The following WWOX variants were observed in gnomAD, a reference collection of about 807,000 sequenced individuals.
WWOX encodes WW domain-containing oxidoreductase.
A neutral mutation model predicts 46.2 loss-of-function variants in WWOX; 69 were observed. That is an observed-to-expected ratio of 1.49 (90% confidence interval 1.23 to 1.82). The LOEUF is 1.82. Among genes scored for constraint, WWOX ranks in the 40% most tolerant of loss-of-function variants. The pLI, the probability that WWOX is intolerant of heterozygous loss-of-function variation, is 0.00. For synonymous variants in WWOX, 359 were observed against 202.6 expected (o/e 1.77, Z -6.56); for missense variants, 919 against 542.6 (o/e 1.69, Z -6.89).
intron 5 of WWOX, among the ~76,000 whole-genome samples, chr16:78,210,122 C>T (rs949548764): frequency 2.0e-5 from 3 of 152,112 alleles, no homozygotes; most frequent in African/African-American, 7.2e-5. Context: ...TCTATTTTGT[C>T]ATGTTATGAC....
intron 8 of WWOX, among the ~76,000 whole-genome samples, chr16:78,443,312 CA>C (rs897467963): frequency 2.7e-5 from 4 of 150,282 alleles, no homozygotes; most frequent in East Asian, 3.9e-4. Flanking sequence ...AACAAAAAAA[CA>C]AAAAAAAACC....
At chr16:78,636,172 A>G (rs1026621705) in intron 8 of WWOX, among the ~76,000 whole-genome samples, 2 of 152,184 alleles carry the variant, frequency 1.3e-5, no homozygotes, top group African/African-American at 4.8e-5. Context: ...TATAATGGAA[A>G]CCAGGTTATT....
At chr16:79,211,542 G>A (rs78590104) in intron 8 of WWOX, 66 bp from the exon 9 acceptor site, 29,605 of 1,607,024 alleles carry the variant, frequency 0.018, 353 homozygotes, top group South Asian at 0.035. Context: ...CCAGGCAGTC[G>A]AAATGACGCC....
At chr16:79,052,919 T>A (rs1314786331) in intron 8 of WWOX, among the ~76,000 whole-genome samples, 1 of 147,972 alleles carries the variant, frequency 6.8e-6, no homozygotes, top group Non-Finnish European at 1.5e-5. Flanking sequence ...ATTGACACAG[T>A]TGATCTCACT....
intron 5 of WWOX, chr16:78,269,281 T>A (rs1452970319): frequency 6.6e-6 from 1 of 152,186 alleles, no homozygotes; most frequent in Non-Finnish European, 1.5e-5. Flanking sequence ...GGTAGAAATT[T>A]TTATGTCACA....
At chr16:79,127,199 C>T (rs1019073482) in intron 8 of WWOX, among the ~76,000 whole-genome samples, 7 of 152,050 alleles carry the variant, frequency 4.6e-5, no homozygotes, top group Admixed American at 4.6e-4. Flanking sequence ...TACATATACA[C>T]ACACACACCT....
intron 8 of WWOX, among the ~76,000 whole-genome samples, chr16:79,146,910 G>T (rs1458905025): frequency 2.0e-5 from 3 of 152,154 alleles, no homozygotes; most frequent in Admixed American, 6.5e-5. Context: ...CTAGTTCACT[G>T]ATTTTTTAAT....
rs74032722 is a variant in WWOX, at chr16:78,685,065, A to G, written c.1056+252313A>G. Among the ~76,000 whole-genome samples, 1,189 of 152,268 alleles carry G rather than the reference A, an allele frequency of 7.8e-3. 18 individuals carry two copies. The highest frequency in any genetic ancestry group is 0.028 in the African/African-American group (1,144 of 41,544). On this transcript the variant is annotated intron_variant, in intron 8 of 8. Transcript: ENST00000566780. ...TTTTCTCTGTGCTGTTCACTGTAAC[A>G]TCGTCCACCCTCTGAGATCTTGCTT... is the stretch of plus-strand genomic sequence containing the variant.
At chr16:78,807,752 A>C (rs1035852857) in intron 8 of WWOX, among the ~76,000 whole-genome samples, 7 of 152,234 alleles carry the variant, frequency 4.6e-5, no homozygotes, top group African/African-American at 1.4e-4. Flanking sequence ...GCCTGACCAA[A>C]CTGTAGAGCT....
At chr16:78,677,851 C>G (rs2047640244) in intron 8 of WWOX, among the ~76,000 whole-genome samples, 1 of 152,132 alleles carries the variant, frequency 6.6e-6, no homozygotes, top group Admixed American at 6.5e-5. Context: ...AGTACAGAAC[C>G]AAACATTTCT....
intron 8 of WWOX, among the ~76,000 whole-genome samples, chr16:78,817,169 A>ATTTTTTTT (rs1460643310): frequency 2.6e-4 from 7 of 26,584 alleles, no homozygotes; most frequent in African/African-American, 4.6e-4. Flanking sequence ...CATTAGTGCT[A>ATTTTTTTT]TTCTTTTTTT....
At chr16:78,434,629 T>A (rs549339716) in intron 8 of WWOX, among the ~76,000 whole-genome samples, 1 of 152,274 alleles carries the variant, frequency 6.6e-6, no homozygotes, top group African/African-American at 2.4e-5. Context: ...ATCTCACTTG[T>A]ATTTGATCAT....
At chr16:78,965,060 C>T (rs1026132801) in intron 8 of WWOX, among the ~76,000 whole-genome samples, 4 of 152,148 alleles carry the variant, frequency 2.6e-5, no homozygotes, top group Non-Finnish European at 5.9e-5. Flanking sequence ...TGGGTGGAGC[C>T]CTCATGGAGA....
Position 79,141,469 on chromosome 16 carries a change from C to T in WWOX, c.1057-70139C>T, listed in dbSNP as rs1266633506. Among the ~76,000 whole-genome samples the T allele has an allele frequency of 2.0e-5, 3 of 152,338 alleles. No homozygotes were observed. In the East Asian group the frequency reaches 5.8e-4, roughly 29 times the overall value. On this transcript the variant is annotated intron_variant, in intron 8 of 8. Transcript: ENST00000566780. ...TTAGCTGAGACCTGGCTCAGATTTT[C>T]AGGGTTCACAGACCTGTCAACATGA...
intron 5 of WWOX, among the ~76,000 whole-genome samples, chr16:78,328,540 A>G (rs1201095788): frequency 6.6e-6 from 1 of 152,246 alleles, no homozygotes; most frequent in Admixed American, 6.5e-5. Context: ...AAGGGTTAGT[A>G]CTTTATTCTT....
rs1369197207 is a variant in WWOX, at chr16:78,811,379, G to A, written c.1056+378627G>A. Among the ~76,000 whole-genome samples the A allele has an allele frequency of 3.3e-5, 5 of 152,228 alleles. No homozygotes were observed. The South Asian group carries it at 1.0e-3, about 32-fold the overall frequency. ...TATGTCACTAGAATTCCTTTGAGAAGCTATCACTGTGTACATTTACTGTAT... is the reference window on the plus strand; with the variant it reads ...TATGTCACTAGAATTCCTTTGAGAAACTATCACTGTGTACATTTACTGTAT... On this transcript the variant is annotated intron_variant, in intron 8 of 8. Transcript: ENST00000566780.
chr16:78,632,907 A>G (rs905972165), intron 8 of WWOX, among the ~76,000 whole-genome samples: 47 of 151,926 alleles, frequency 3.1e-4, no homozygotes, highest in African/African-American at 1.1e-3. Context: ...GCTACGTGTA[A>G]TAGAAAGGTA....
chr16:78,960,463 T>C (rs1046123704), intron 8 of WWOX, among the ~76,000 whole-genome samples: 2 of 152,200 alleles, frequency 1.3e-5, no homozygotes, highest in Non-Finnish European at 1.5e-5. Context: ...TTCATGAAAA[T>C]CATTTATTTG....
At chr16:78,473,314 G>C (rs917744349) in intron 8 of WWOX, among the ~76,000 whole-genome samples, 20 of 152,138 alleles carry the variant, frequency 1.3e-4, no homozygotes, top group Non-Finnish European at 2.9e-5. Context: ...AGTTTTAGTG[G>C]AGACAGGATT....
Sources: allele counts gnomAD v4.1 joint callset (sites outside exome capture counted in the v4.1 genomes callset), GRCh38; gene constraint gnomAD v4.1.1; transcripts MANE v1.5; gene names NCBI Gene and HGNC (gene_info 2026-07-23, HGNC 2026-07-21).